Variants in RIMS1 observed in about 807,000 individuals in gnomAD.
RIMS1 encodes the protein regulating synaptic membrane exocytosis 1, also known as regulating synaptic membrane exocytosis protein 1.
In RIMS1, 83 loss-of-function variants were observed where a neutral mutation model predicts 214.1. The observed-to-expected ratio is 0.39, with a 90% CI of 0.32 to 0.47. RIMS1 has a LOEUF of 0.47. RIMS1 is among the 20% of genes least tolerant of loss of function. RIMS1 has a pLI of 0.99. For missense variants in RIMS1, 2,050 were observed against 2,161.8 expected (o/e 0.95, Z 1.03); for synonymous variants, 793 against 786.8 (o/e 1.01, Z -0.13).
At chr6:72,319,179 T>C (rs1482518497) in intron 28 of RIMS1, among the ~76,000 whole-genome samples, 1 of 151,952 alleles carries the variant, frequency 6.6e-6, no homozygotes, top group African/African-American at 2.4e-5. Flanking sequence ...GCAAGCAGAG[T>C]TGGATGTTAA....
rs559027795 is a variant in RIMS1 at position 72,401,876 on chromosome 6, A to C, written c.*1162A>C. The C allele has an allele frequency of 3.2e-4, 49 of 152,790 alleles. No homozygotes were observed. Among genetic ancestry groups the C allele is most frequent in the African/African-American group, 1.2e-3 (48 of 41,588 alleles). The allele number at this position is 152,790 out of a possible 1,614,324, so 9.5% of individuals were successfully genotyped here. Reference sequence around the variant, plus strand: ...TTGTTTTTATTGAATTTTAGTTTACATTTCTTTGAGATTGATGCAAGCACA... The same window carrying C: ...TTGTTTTTATTGAATTTTAGTTTACCTTTCTTTGAGATTGATGCAAGCACA... On this transcript the variant is annotated 3_prime_UTR_variant, in exon 34 of 34. Transcript: ENST00000521978.
intron 29 of RIMS1, 54 bp downstream of exon 29, chr6:72,333,889 C>T: frequency 7.9e-7 from 1 of 1,264,558 alleles, no homozygotes; most frequent in Non-Finnish European, 1.1e-6. Flanking sequence ...GAGAGAAAAA[C>T]TTGATCTTCA....
rs76534940 is a variant in RIMS1, at chr6:71,974,444, C to T, written c.245+5381C>T. On this transcript the variant is annotated intron_variant, in intron 2 of 33. Transcript: ENST00000521978. ...GGCTTTGGTTTTACTTTTAATACTG[C>T]GTTTTATTTTGAAATTTGATTTAAA... 2.2e-3 allele frequency among the ~76,000 whole-genome samples: 337 copies of T among 152,092 alleles called. 1 individual carries two copies. The highest frequency in any genetic ancestry group is 7.6e-3 in the African/African-American group (316 of 41,472).
At chr6:72,381,895 T>C (rs1183107230) in intron 29 of RIMS1, among the ~76,000 whole-genome samples, 1 of 152,178 alleles carries the variant, frequency 6.6e-6, no homozygotes, top group African/African-American at 2.4e-5. Flanking sequence ...TTAAAGTACA[T>C]TGTAACAAAA....
intron 8 of RIMS1, among the ~76,000 whole-genome samples, chr6:72,236,627 T>G (rs2064171960): frequency 6.6e-6 from 1 of 152,108 alleles, no homozygotes; most frequent in Non-Finnish European, 1.5e-5. Context: ...GGCACCTGTC[T>G]TCTATGTATA....
intron 2 of RIMS1, among the ~76,000 whole-genome samples, chr6:71,994,718 A>G (rs1230911923): frequency 1.3e-5 from 2 of 152,214 alleles, no homozygotes; most frequent in African/African-American, 2.4e-5. Flanking sequence ...AAATAAACTG[A>G]AGTGGCAGTC....
chr6:72,158,278 T>C (rs2044719866), intron 4 of RIMS1, among the ~76,000 whole-genome samples: 1 of 141,362 alleles, frequency 7.1e-6, no homozygotes, highest in African/African-American at 2.5e-5. Flanking sequence ...CCATTTGACA[T>C]TTATTTTCCT....
Position 71,911,677 on chromosome 6 carries a change from A to G in RIMS1, c.164+24490A>G, listed in dbSNP as rs180849445. Among the ~76,000 whole-genome samples the G allele has an allele frequency of 2.6e-3, 393 of 152,278 alleles. 2 individuals are homozygous for G. Among genetic ancestry groups the G allele is most frequent in the African/African-American group, 8.7e-3 (361 of 41,572 alleles). ...CAAAATCTCATTCACCAAAGCTTTG[A>G]ACATGCAAAAGTTTTGAGATCTTTG... On this transcript the variant is annotated intron_variant, in intron 1 of 33. Coordinates refer to ENST00000521978, the MANE Select transcript of RIMS1 (RefSeq NM_014989.7).
chr6:72,346,771 T>C (rs1013685240), intron 29 of RIMS1, among the ~76,000 whole-genome samples: 14 of 151,852 alleles, frequency 9.2e-5, no homozygotes, highest in Admixed American at 4.6e-4. Context: ...AGAAATCAAA[T>C]TTTTATGTCA....
chr6:72,129,121 A>G (rs2040053081), intron 4 of RIMS1, among the ~76,000 whole-genome samples: 1 of 152,150 alleles, frequency 6.6e-6, no homozygotes, highest in Non-Finnish European at 1.5e-5. Context: ...GACTCCAGGA[A>G]GCCTGTGTCT....
At position 72,182,310 on chromosome 6, in the gene RIMS1, A is replaced by G. The variant is rs2048512406; in HGVS notation, c.839A>G (p.Gln280Arg). 6.2e-7 allele frequency: 1 copy of G among 1,601,944 alleles called. No homozygotes were observed. The highest frequency in any genetic ancestry group is 8.5e-7 in the Non-Finnish European group (1 of 1,174,546). ...ERKKTPGLSEQNGKGALKSER... is the reference protein window; with the variant it reads ...ERKKTPGLSERNGKGALKSER... ...AAGAAGACCCCAGGGCTTTCCGAGC[A>G]GAATGGCAAAGGAGCCCTGAAGAGC... The change falls in exon 6 of 34, where the codon CAG (glutamine) becomes CGG (arginine). Residue 280 changes from glutamine to arginine, a missense_variant. Around this residue, in one of 6 missense-constraint regions of RIMS1, gnomAD observed 882 missense variants for 828.9 expected, o/e 1.06. Coordinates refer to ENST00000521978, the MANE Select transcript of RIMS1 (RefSeq NM_014989.7).
chr6:71,923,017 G>A (rs1024202896), intron 1 of RIMS1, among the ~76,000 whole-genome samples: 1 of 152,250 alleles, frequency 6.6e-6, no homozygotes. Context: ...CTGCCTGTGG[G>A]CTAACTTGTG....
chr6:72,130,316 C>T (rs967536974), intron 4 of RIMS1, among the ~76,000 whole-genome samples: 7 of 152,020 alleles, frequency 4.6e-5, no homozygotes, highest in African/African-American at 1.4e-4. Context: ...TTTGTATACT[C>T]GCCTTACTTT....
chr6:72,375,307 C>A (rs1378461667), intron 29 of RIMS1, among the ~76,000 whole-genome samples: 1 of 152,212 alleles, frequency 6.6e-6, no homozygotes, highest in Non-Finnish European at 1.5e-5. Context: ...TTACATTTTA[C>A]AGAATTTCTC....
At chr6:72,296,245 AT>A (rs1278645615) in intron 26 of RIMS1, among the ~76,000 whole-genome samples, 1 of 151,908 alleles carries the variant, frequency 6.6e-6, no homozygotes, top group Non-Finnish European at 1.5e-5. Context: ...CTAGAAAACA[AT>A]TCTCCTAGGA....
intron 9 of RIMS1, 50 bp downstream of exon 9, chr6:72,237,972 C>A: frequency 7.7e-7 from 1 of 1,304,126 alleles, no homozygotes; most frequent in Non-Finnish European, 1.1e-6. Context: ...CATGCATGAA[C>A]ATGAATTGGT....
intron 2 of RIMS1, among the ~76,000 whole-genome samples, chr6:71,984,731 A>G (rs1799400905): frequency 6.6e-6 from 1 of 150,680 alleles, no homozygotes; most frequent in Admixed American, 6.6e-5. Flanking sequence ...CTTCATATCT[A>G]TGTATCCATC....
intron 29 of RIMS1, among the ~76,000 whole-genome samples, chr6:72,377,213 C>T (rs996623790): frequency 6.6e-6 from 1 of 152,178 alleles, no homozygotes; most frequent in Non-Finnish European, 1.5e-5. Flanking sequence ...TGTTCCCAAA[C>T]CTTGGCTCCG....
At position 72,085,268 on chromosome 6, in the gene RIMS1, TACTC is replaced by T. The variant is rs374739416; in HGVS notation, c.246-11679_246-11676del. On this transcript the variant is annotated intron_variant, in intron 2 of 33. Transcript: ENST00000521978. ...TAGAACTGTAGTAATTTTCAAAAAT[TACTC>T]AATAACATCTGGGGTAAATTTCTGA... is the stretch of plus-strand genomic sequence containing the variant. 1.7e-4 allele frequency among the ~76,000 whole-genome samples: 26 copies of T among 152,264 alleles called. No homozygotes were observed. The South Asian group carries it at 3.3e-3, about 19-fold the overall frequency.
Sources: allele counts gnomAD v4.1 joint callset (sites outside exome capture counted in the v4.1 genomes callset), GRCh38; gene constraint gnomAD v4.1.1; regional missense constraint gnomAD v4.1.1; transcripts MANE v1.5; gene names NCBI Gene and HGNC (gene_info 2026-07-23, HGNC 2026-07-21).